Variants in OASL observed in about 807,000 individuals in gnomAD.
OASL encodes the protein 2'-5'-oligoadenylate synthase-like protein.
Under a neutral mutation model 35.3 loss-of-function variants are expected in OASL, and 28 were observed. The ratio of observed to expected loss-of-function variants is 0.79; its 90% CI spans 0.59 to 1.09. The LOEUF is 1.09. Ranked by LOEUF, OASL falls within the 50% of genes least tolerant of loss-of-function variation. The probability of loss-of-function intolerance (pLI) is 0.00; values close to 1 mark genes in which losing one functional copy is unlikely to be tolerated. For synonymous variants in OASL, 252 were observed against 254.6 expected, an observed-to-expected ratio of 0.99 and a Z score of 0.10; for missense variants, 620 against 635.2, an observed-to-expected ratio of 0.98 and a Z score of 0.26.
intron 2 of OASL, 67 bp downstream of exon 2, chr12:121,033,394 G>T: frequency 6.6e-7 from 1 of 1,524,908 alleles, no homozygotes; most frequent in South Asian, 1.2e-5. Context: ...ATGAGTAAAG[G>T]TGAGACACTG....
chr12:121,024,570 A>G (rs1310694043), intron 4 of OASL, among the ~76,000 whole-genome samples: 2 of 152,012 alleles, frequency 1.3e-5, no homozygotes, highest in Non-Finnish European at 2.9e-5. Context: ...GTGAGCCAAG[A>G]TCATGCCACC....
In OASL at chr12:121,038,909, C is replaced by G. The variant is rs951355987; in HGVS notation, c.63G>C (p.Gln21His). 1.9e-6 allele frequency: 3 copies of G among 1,614,074 alleles called. No homozygotes were observed. In the African/African-American group the frequency reaches 4.0e-5, roughly 22 times the overall value. Residue 21 changes from glutamine to histidine, a missense_variant, in exon 1 of 6, where the codon CAG becomes CAC. Physicochemically the swap from Gln to His is conservative, Grantham distance 24 (BLOSUM62 0). Coordinates refer to ENST00000257570, the Ensembl canonical transcript of OASL. ...TCCACTCCCGGTGGGGCTGCAGCCA[C>G]TGAGCCACGAAGGAGTCCAGCCTGG...
chr12:121,023,482 T>C (rs1869338601), intron 5 of OASL, among the ~76,000 whole-genome samples: 1 of 128,876 alleles, frequency 7.8e-6, no homozygotes, highest in South Asian at 2.8e-4. Flanking sequence ...TAGAGATGGG[T>C]TTTTTCCATG....
At chr12:121,026,167 C>T (rs1246160798) in intron 4 of OASL, among the ~76,000 whole-genome samples, 1 of 152,136 alleles carries the variant, frequency 6.6e-6, no homozygotes, top group Non-Finnish European at 1.5e-5. Context: ...GGGAAAAGTG[C>T]TGTAGTTCAT....
intron 4 of OASL, among the ~76,000 whole-genome samples, chr12:121,024,508 C>G (rs747866601): frequency 9.9e-5 from 15 of 152,056 alleles, no homozygotes; most frequent in Non-Finnish European, 1.8e-4. Context: ...ATCCCAGTTA[C>G]TCAGAAGGCT....
chr12:121,031,155 A>G (rs1869712797), intron 3 of OASL, among the ~76,000 whole-genome samples: 2 of 151,892 alleles, frequency 1.3e-5, no homozygotes, highest in South Asian at 2.1e-4. Context: ...TCCTGTCTCA[A>G]AAAAAAATAA....
At chr12:121,025,756 C>T (rs1869455281) in intron 4 of OASL, among the ~76,000 whole-genome samples, 1 of 125,886 alleles carries the variant, frequency 7.9e-6, no homozygotes, top group Non-Finnish European at 1.7e-5. Flanking sequence ...AGCAAGACTC[C>T]ATTAAAAAAA....
chr12:121,018,923 C>T (rs987842728), downstream of OASL, among the ~76,000 whole-genome samples: 8 of 148,726 alleles, frequency 5.4e-5, no homozygotes, highest in Non-Finnish European at 1.0e-4. Context: ...TTTGCCTCTT[C>T]TACCATGTGA....
At chr12:121,022,771 G>C (rs192500882) in intron 5 of OASL, among the ~76,000 whole-genome samples, 2 of 151,852 alleles carry the variant, frequency 1.3e-5, no homozygotes. Context: ...ATCTCCCCCC[G>C]GCCTTTAGGG....
chr12:121,024,434 T>C (rs931515269), intron 4 of OASL, among the ~76,000 whole-genome samples: 1 of 152,036 alleles, frequency 6.6e-6, no homozygotes, highest in Non-Finnish European at 1.5e-5. Flanking sequence ...CTGGCCAACG[T>C]GGTGAAACCC....
chr12:121,033,224 T>A (rs1869812195), intron 2 of OASL, among the ~76,000 whole-genome samples: 1 of 152,160 alleles, frequency 6.6e-6, no homozygotes, highest in African/African-American at 2.4e-5. Context: ...GCGCCCAGGC[T>A]GCAATCATGT....
Position 121,039,062 on chromosome 12 carries a change from T to A in OASL, c.-91A>T, listed in dbSNP as rs1870080946. ...ACACCTCCTTTTTTAAGGTAGCTCC[T>A]CCTCAGCTGCCCTCCAGTGCTCTGT... On this transcript the variant is annotated 5_prime_UTR_variant, in exon 1 of 6. Coordinates refer to ENST00000257570, the Ensembl canonical transcript of OASL. The A allele has an allele frequency of 8.5e-6, 9 of 1,055,742 alleles. No homozygotes were observed. In the South Asian group the frequency reaches 1.1e-4, roughly 13 times the overall value. The allele number at this position is 1,055,742 out of a possible 1,614,324, so 65.4% of individuals were successfully genotyped here.
chr12:121,025,681 G>C (rs992248807), intron 4 of OASL, among the ~76,000 whole-genome samples: 5 of 151,570 alleles, frequency 3.3e-5, no homozygotes, highest in African/African-American at 1.2e-4. Context: ...AGGATAGCTT[G>C]AACCCAGGAG....
At chr12:121,035,181 C>T (rs183048311) in intron 1 of OASL, among the ~76,000 whole-genome samples, 4 of 152,078 alleles carry the variant, frequency 2.6e-5, no homozygotes, top group Admixed American at 6.5e-5. Flanking sequence ...GACATGAGCA[C>T]GCCCTGTGTC....
At chr12:121,037,810 G>T (rs985358694) in intron 1 of OASL, among the ~76,000 whole-genome samples, 1 of 143,908 alleles carries the variant, frequency 6.9e-6, no homozygotes, top group Admixed American at 7.0e-5. Context: ...TTTATTGGCC[G>T]GCCAGACATG....
rs1555215042 is a variant in OASL at position 121,023,290 on chromosome 12, T to TTC, written c.1047+699_1047+700insGA. Among the ~76,000 whole-genome samples the TTC allele has an allele frequency of 8.0e-4, 107 of 134,242 alleles. 2 individuals are homozygous for TTC. Among genetic ancestry groups the TTC allele is most frequent in the Admixed American group, 1.7e-3 (19 of 11,220 alleles). 88.1% of individuals were successfully genotyped at this position (134,242 alleles called of 152,430 possible). A position where few individuals can be genotyped will look rare whatever the true frequency, so the allele number is the denominator to read the frequency against. ...GAGGGTGGTGTCTTTTTTTTTTCTT[T>TTC]TTTTCTTTTTTTTTTGAGGCAGAGT... On this transcript the variant is annotated intron_variant, in intron 5 of 5. Transcript: ENST00000257570.
At chr12:121,032,965 G>A (rs764451022) in intron 2 of OASL, among the ~76,000 whole-genome samples, 7 of 151,862 alleles carry the variant, frequency 4.6e-5, no homozygotes, top group Admixed American at 3.3e-4. Context: ...TTGCTCTGTT[G>A]CCCAGGCTGG....
chr12:121,033,378 G>T, intron 2 of OASL, 83 bp downstream of exon 2: 1 of 1,388,236 alleles, frequency 7.2e-7, no homozygotes, highest in Non-Finnish European at 1.0e-6. Flanking sequence ...GTGTGTGCAC[G>T]TGGCCATGAG....
chr12:121,019,482 G>C (rs1869148536), exon 6 of OASL: 1 of 152,094 alleles, frequency 6.6e-6, no homozygotes, highest in South Asian at 2.1e-4. Context: ...ACAGTTTCCT[G>C]ACTATTATGT....
Sources: gnomAD v4.1 joint callset for allele counts (sites outside exome capture counted in the v4.1 genomes callset) on GRCh38, gnomAD v4.1.1 for gene constraint, MANE v1.5 for transcripts, NCBI Gene and HGNC (gene_info 2026-07-23, HGNC 2026-07-21) for gene names.